Variants in NAALADL2 observed in about 807,000 individuals in gnomAD.
NAALADL2 encodes the protein inactive N-acetylated-alpha-linked acidic dipeptidase-like protein 2.
NAALADL2 carries 76 observed loss-of-function variants against 87.2 expected under a neutral mutation model. That is an observed-to-expected ratio of 0.87 (90% CI 0.72 to 1.05). The LOEUF is 1.05. Ranked by LOEUF, NAALADL2 falls within the 50% of genes least tolerant of loss-of-function variation. The probability of loss-of-function intolerance (pLI) is 0.00; values close to 1 mark genes in which losing one functional copy is unlikely to be tolerated. For synonymous variants in NAALADL2, 354 were observed against 331.0 expected (o/e 1.07, Z -0.75); for missense variants, 1,089 against 945.8 (o/e 1.15, Z -1.99).
At chr3:175,686,758 T>A (rs1016242100) in intron 11 of NAALADL2, among the ~76,000 whole-genome samples, 1 of 152,180 alleles carries the variant, frequency 6.6e-6, no homozygotes, top group Non-Finnish European at 1.5e-5. Flanking sequence ...GTATTAAATA[T>A]CATTTTTTCC....
At chr3:175,155,208 C>G (rs1239422769) in intron 2 of NAALADL2, among the ~76,000 whole-genome samples, 1 of 152,090 alleles carries the variant, frequency 6.6e-6, no homozygotes, top group Non-Finnish European at 1.5e-5. Flanking sequence ...TCAGCAGTTA[C>G]CATGAGAGTT....
intron 5 of NAALADL2, among the ~76,000 whole-genome samples, chr3:175,419,011 CT>C (rs1221648284): frequency 1.3e-3 from 180 of 142,922 alleles, no homozygotes; most frequent in Middle Eastern, 7.2e-3. Context: ...TTTTCTTTTT[CT>C]TTTTTTTTTT....
chr3:175,362,139 A>C (rs112658986), intron 5 of NAALADL2, among the ~76,000 whole-genome samples: 10,119 of 147,696 alleles, frequency 0.069, 1,076 homozygotes, highest in African/African-American at 0.13. Flanking sequence ...TTTCCCATTT[A>C]TTGTTTTTGT....
At chr3:175,241,094 C>T (rs1488689547) in intron 3 of NAALADL2, among the ~76,000 whole-genome samples, 3 of 152,140 alleles carry the variant, frequency 2.0e-5, no homozygotes, top group Non-Finnish European at 4.4e-5. Context: ...AGCTGTTATT[C>T]ATTTTTTTTA....
intron 2 of NAALADL2, among the ~76,000 whole-genome samples, chr3:174,651,144 A>G (rs1724316539): frequency 6.6e-6 from 1 of 152,110 alleles, no homozygotes; most frequent in Non-Finnish European, 1.5e-5. Context: ...TGATTTGAAA[A>G]CTATTGTTCA....
At chr3:174,851,843 A>T (rs983674468) in intron 3 of NAALADL2, among the ~76,000 whole-genome samples, 2 of 152,176 alleles carry the variant, frequency 1.3e-5, no homozygotes, top group Non-Finnish European at 2.9e-5. Flanking sequence ...ATATTAGCAA[A>T]CTGAATTCAA....
At chr3:175,461,681 A>C (rs1382510232) in intron 6 of NAALADL2, among the ~76,000 whole-genome samples, 1 of 152,204 alleles carries the variant, frequency 6.6e-6, no homozygotes, top group Non-Finnish European at 1.5e-5. Flanking sequence ...CTTAGACAAA[A>C]ATATATTGAA....
chr3:174,934,456 C>T (rs1286247273), intron 1 of NAALADL2, among the ~76,000 whole-genome samples: 1 of 152,136 alleles, frequency 6.6e-6, no homozygotes, highest in Admixed American at 6.5e-5. Flanking sequence ...AACAACACAG[C>T]TTTAGATATT....
intron 1 of NAALADL2, among the ~76,000 whole-genome samples, chr3:174,460,239 C>A (rs749153391): frequency 3.7e-4 from 54 of 144,200 alleles, no homozygotes; most frequent in Non-Finnish European, 7.3e-4. Context: ...GGAAAGAATT[C>A]AAATATGAGT....
chr3:175,536,538 G>A (rs1220289390), intron 9 of NAALADL2, among the ~76,000 whole-genome samples: 1 of 151,820 alleles, frequency 6.6e-6, no homozygotes, highest in Non-Finnish European at 1.5e-5. Context: ...GGAAATACAT[G>A]ATATTTAATT....
At chr3:174,710,687 A>G (rs1730542781) in intron 2 of NAALADL2, among the ~76,000 whole-genome samples, 2 of 152,208 alleles carry the variant, frequency 1.3e-5, no homozygotes, top group Admixed American at 6.5e-5. Context: ...GAATGCAGGC[A>G]GCCTCTGCGA....
At chr3:175,179,187 T>A (rs1458038483) in intron 2 of NAALADL2, among the ~76,000 whole-genome samples, 1 of 152,068 alleles carries the variant, frequency 6.6e-6, no homozygotes, top group African/African-American at 2.4e-5. Flanking sequence ...TTCCCAGTTG[T>A]AGTTTAATTT....
intron 13 of NAALADL2, among the ~76,000 whole-genome samples, chr3:175,756,503 T>A (rs1747278854): frequency 6.6e-6 from 1 of 152,136 alleles, no homozygotes; most frequent in Non-Finnish European, 1.5e-5. Context: ...TCAGAAGGAA[T>A]GAAATCATGT....
chr3:175,687,110 T>G (rs751573184), intron 11 of NAALADL2, among the ~76,000 whole-genome samples: 33 of 152,194 alleles, frequency 2.2e-4, no homozygotes, highest in Non-Finnish European at 3.8e-4. Context: ...TTAATAAAGC[T>G]ATTATAAATT....
At chr3:175,592,148 T>C (rs1721576518) in intron 10 of NAALADL2, among the ~76,000 whole-genome samples, 1 of 152,104 alleles carries the variant, frequency 6.6e-6, no homozygotes, top group Non-Finnish European at 1.5e-5. Context: ...TATAAAACTT[T>C]CTGGGTATAA....
chr3:175,310,219 G>T (rs1444002202), intron 4 of NAALADL2, among the ~76,000 whole-genome samples: 1 of 152,012 alleles, frequency 6.6e-6, no homozygotes, highest in African/African-American at 2.4e-5. Context: ...TTTATTTAAA[G>T]CAAATAATGC....
chr3:175,667,213 A>T (rs1334785623), intron 11 of NAALADL2, among the ~76,000 whole-genome samples: 1 of 124,236 alleles, frequency 8.0e-6, no homozygotes, highest in African/African-American at 4.6e-5. Flanking sequence ...GAAAGAAAGA[A>T]AGAAAGAAAG....
At chr3:175,681,055 G>A (rs1043238862) in intron 11 of NAALADL2, among the ~76,000 whole-genome samples, 1 of 152,182 alleles carries the variant, frequency 6.6e-6, no homozygotes, top group Non-Finnish European at 1.5e-5. Flanking sequence ...GGAGGTTGCC[G>A]TGAGCCGAGA....
chr3:175,639,181 A>AGTAACAG (rs1344504357), intron 11 of NAALADL2, among the ~76,000 whole-genome samples: 3 of 152,148 alleles, frequency 2.0e-5, no homozygotes, highest in Admixed American at 2.0e-4. Context: ...GTCACAGTTA[A>AGTAACAG]GTAACAGGAA....
Sources: gnomAD v4.1 joint callset for allele counts (sites outside exome capture counted in the v4.1 genomes callset) on GRCh38, gnomAD v4.1.1 for gene constraint, MANE v1.5 for transcripts, NCBI Gene and HGNC (gene_info 2026-07-23, HGNC 2026-07-21) for gene names.